ANK2: variants seen among roughly 807,000 people sequenced by gnomAD.
The protein encoded by ANK2 is ankyrin-2.
In ANK2, 83 loss-of-function variants were observed where a neutral mutation model predicts 360.5. That is an observed-to-expected ratio of 0.23 (90% confidence interval 0.19 to 0.28). ANK2 has a LOEUF of 0.28. Ranked by LOEUF, ANK2 falls within the 10% of genes least tolerant of loss-of-function variation. The probability of loss-of-function intolerance (pLI) is 1.00; values close to 1 mark genes in which losing one functional copy is unlikely to be tolerated. For missense variants in ANK2, 4,201 were observed against 4,795.7 expected (o/e 0.88, Z 3.66); for synonymous variants, 1,740 against 1,759.5 (o/e 0.99, Z 0.28).
intron 1 of ANK2, among the ~76,000 whole-genome samples, chr4:112,861,808 G>A (rs1313548159): frequency 3.4e-5 from 5 of 145,234 alleles, no homozygotes; most frequent in Non-Finnish European, 4.5e-5. Context: ...AAAACAAACA[G>A]GCAAGCAACA....
chr4:113,252,613 C>T (rs953962530), intron 10 of ANK2, among the ~76,000 whole-genome samples: 2 of 152,172 alleles, frequency 1.3e-5, no homozygotes, highest in African/African-American at 4.8e-5. Context: ...TTGCCAGCCC[C>T]TCCTATGTTT....
intron 1 of ANK2, among the ~76,000 whole-genome samples, chr4:112,850,331 G>GTCCATCCATCCATCCATCCA (rs139812761): frequency 0.068 from 9,717 of 142,724 alleles, 419 homozygotes; most frequent in East Asian, 0.077. Context: ...CCATTCATCT[G>GTCCATCCATCCATCCATCCA]TCCATCCATC....
At chr4:113,342,192 A>G (rs188170236) in intron 33 of ANK2, among the ~76,000 whole-genome samples, 93 of 152,320 alleles carry the variant, frequency 6.1e-4, no homozygotes, top group African/African-American at 2.1e-3. Flanking sequence ...CAAAGTATGT[A>G]AGTGACTGTA....
At chr4:113,244,122 A>G (rs2041531900) in intron 9 of ANK2, among the ~76,000 whole-genome samples, 1 of 152,226 alleles carries the variant, frequency 6.6e-6, no homozygotes, top group South Asian at 2.1e-4. Flanking sequence ...TAGTTCTGTC[A>G]TAGTGCAGCC....
At chr4:113,329,151 A>G (rs1483915793) in intron 26 of ANK2, among the ~76,000 whole-genome samples, 2 of 152,240 alleles carry the variant, frequency 1.3e-5, no homozygotes, top group East Asian at 1.9e-4. Context: ...TTGTATACGT[A>G]TACACAACAC....
intron 1 of ANK2, among the ~76,000 whole-genome samples, chr4:112,881,532 A>AT (rs201993990): frequency 0.011 from 1,736 of 151,864 alleles, 22 homozygotes; most frequent in African/African-American, 0.031. Flanking sequence ...TTGATCCTTG[A>AT]TTTTTTTTTA....
At chr4:112,776,136 T>G in the ANK2 span, among the ~76,000 whole-genome samples, 141 of 152,248 alleles carry the variant, frequency 9.3e-4, no homozygotes, top group African/African-American at 3.3e-3. Flanking sequence ...GAGGAAGTAG[T>G]GAGGGATACT....
At chr4:112,996,459 G>A (rs1056540677) in intron 2 of ANK2, among the ~76,000 whole-genome samples, 8 of 152,044 alleles carry the variant, frequency 5.3e-5, no homozygotes, top group South Asian at 2.1e-4. Flanking sequence ...ATATTTACTC[G>A]TTTTGCACAT....
intron 2 of ANK2, among the ~76,000 whole-genome samples, chr4:113,042,414 A>G (rs1452749690): frequency 2.6e-5 from 4 of 152,148 alleles, no homozygotes; most frequent in Non-Finnish European, 5.9e-5. Context: ...AATTTCCATA[A>G]TAAATCCCCT....
rs180796848 is a variant in ANK2 at position 112,937,484 on chromosome 4, C to T, written c.21+32970C>T. ...CTGGGATTACAGGCACCTGCCACCA[C>T]CTCCAGATAATTTTTGTGTTTTTAG... On this transcript the variant is annotated intron_variant, in intron 2 of 30. Coordinates refer to the ANK2 transcript ENST00000503271. Among the ~76,000 whole-genome samples the T allele has an allele frequency of 1.6e-4, 25 of 152,212 alleles. No homozygotes were observed. The East Asian group carries it at 2.3e-3, about 14-fold the overall frequency.
intron 26 of ANK2, among the ~76,000 whole-genome samples, chr4:113,319,592 T>C (rs1321010075): frequency 6.6e-6 from 1 of 151,960 alleles, no homozygotes; most frequent in Non-Finnish European, 1.5e-5. Flanking sequence ...CAACATATTT[T>C]AGTTAAAAAT....
At chr4:113,086,770 G>A (rs1415083090) in intron 1 of ANK2, among the ~76,000 whole-genome samples, 1 of 152,198 alleles carries the variant, frequency 6.6e-6, no homozygotes, top group East Asian at 1.9e-4. Context: ...AGTGAACAGA[G>A]GAAGTTACTT....
chr4:113,204,820 G>T (rs553607230), intron 4 of ANK2, among the ~76,000 whole-genome samples: 1 of 152,116 alleles, frequency 6.6e-6, no homozygotes. Flanking sequence ...AGAGCCTTCC[G>T]CAAAGCTAGG....
the ANK2 span, among the ~76,000 whole-genome samples, chr4:112,785,688 G>A: frequency 6.6e-6 from 1 of 152,056 alleles, no homozygotes; most frequent in Non-Finnish European, 1.5e-5. Flanking sequence ...TTTTTAAAGA[G>A]ACAGGATCTT....
chr4:112,808,949 C>T, the ANK2 span, among the ~76,000 whole-genome samples: 1 of 152,056 alleles, frequency 6.6e-6, no homozygotes, highest in African/African-American at 2.4e-5. Flanking sequence ...CCTCTGTCCC[C>T]CTGGATTCAA....
intron 45 of ANK2, 170 bp downstream of exon 45, chr4:113,373,619 A>C (rs1459609381): frequency 3.7e-6 from 3 of 805,264 alleles, no homozygotes; most frequent in African/African-American, 3.3e-5. Context: ...ATGTGATTTT[A>C]AGACAGCCAT....
chr4:113,205,223 A>G (rs544280758), intron 4 of ANK2, among the ~76,000 whole-genome samples: 338 of 132,540 alleles, frequency 2.6e-3, no homozygotes, highest in South Asian at 4.5e-3. Context: ...GCGACAGAGC[A>G]AGACTCCGTC....
chr4:113,117,442 C>T (rs1291094038), intron 1 of ANK2: 2 of 456,078 alleles, frequency 4.4e-6, no homozygotes, highest in Admixed American at 4.7e-5. Context: ...CCTTTTAACC[C>T]TCTTTCTCTG....
rs33960021 is a variant in ANK2 at position 113,135,523 on chromosome 4, CTG to C, written c.85-38869_85-38868del. Among the ~76,000 whole-genome samples the C allele has an allele frequency of 1.8e-4, 27 of 149,376 alleles. No homozygotes were observed. In the East Asian group the frequency reaches 2.0e-3, roughly 11 times the overall value. On this transcript the variant is annotated intron_variant, in intron 1 of 45. Transcript: ENST00000357077. ...AAACCATAGAGCTGTGTGTGTCTCT[CTG>C]TGTGTGTGTGTGTGTGTGTGTGTAG... is the stretch of plus-strand genomic sequence containing the variant.
Sources: allele counts gnomAD v4.1 joint callset (sites outside exome capture counted in the v4.1 genomes callset), GRCh38; gene constraint gnomAD v4.1.1; transcripts MANE v1.5; gene names NCBI Gene and HGNC (gene_info 2026-07-23, HGNC 2026-07-21).